Variants in MAPK10 observed in about 807,000 individuals in gnomAD.
MAPK10 encodes the protein mitogen-activated protein kinase 10.
In MAPK10, 25 loss-of-function variants were observed where a neutral mutation model predicts 59.3. The ratio of observed to expected loss-of-function variants is 0.42; its 90% CI spans 0.31 to 0.59. MAPK10 has a LOEUF of 0.59. Ranked by LOEUF, MAPK10 falls within the 20% of genes least tolerant of loss-of-function variation. MAPK10 has a pLI of 0.15. For synonymous variants in MAPK10, 190 were observed against 200.5 expected (o/e 0.95, Z 0.44); for missense variants, 351 against 568.9 (o/e 0.62, Z 3.90).
At chr4:86,404,322 T>C (rs1744094888) in intron 1 of MAPK10, among the ~76,000 whole-genome samples, 2 of 152,202 alleles carry the variant, frequency 1.3e-5, no homozygotes, top group South Asian at 2.1e-4. Context: ...TATCAGTGCA[T>C]GCTCTCAAAT....
At chr4:86,136,613 G>T (rs2062186230) in intron 4 of MAPK10, among the ~76,000 whole-genome samples, 1 of 150,592 alleles carries the variant, frequency 6.6e-6, no homozygotes. Flanking sequence ...AGACTAGGAA[G>T]AAACTGCATC....
chr4:86,315,176 T>C (rs2095755470), intron 2 of MAPK10, among the ~76,000 whole-genome samples: 1 of 152,020 alleles, frequency 6.6e-6, no homozygotes, highest in South Asian at 2.1e-4. Flanking sequence ...TACTTATTTA[T>C]GTGATCTAAA....
At chr4:86,578,634 A>G (rs1762057139) in intron 1 of MAPK10, among the ~76,000 whole-genome samples, 1 of 152,218 alleles carries the variant, frequency 6.6e-6, no homozygotes, top group Non-Finnish European at 1.5e-5. Context: ...ATTTGTGAAC[A>G]TTCAAATCAT....
At chr4:86,490,487 T>TG (rs1001709878) in intron 1 of MAPK10, among the ~76,000 whole-genome samples, 6 of 152,240 alleles carry the variant, frequency 3.9e-5, no homozygotes, top group African/African-American at 1.4e-4. Context: ...CGAGATCAGA[T>TG]GGCCCATCCA....
intron 2 of MAPK10, among the ~76,000 whole-genome samples, chr4:86,336,952 G>A (rs184889362): frequency 6.6e-6 from 1 of 151,982 alleles, no homozygotes; most frequent in African/African-American, 2.4e-5. Flanking sequence ...CACCGCGCCT[G>A]CTAATTTTTT....
At chr4:86,472,754 G>C (rs919740807) in intron 1 of MAPK10, among the ~76,000 whole-genome samples, 1 of 152,196 alleles carries the variant, frequency 6.6e-6, no homozygotes, top group Non-Finnish European at 1.5e-5. Flanking sequence ...AATAGGGTCT[G>C]GAGGCAGGGG....
chr4:86,019,279 T>C (rs3775164), intron 13 of MAPK10, among the ~76,000 whole-genome samples: 10 of 152,098 alleles, frequency 6.6e-5, no homozygotes, highest in Non-Finnish European at 8.8e-5. Context: ...GATATTTTTA[T>C]ATACAGAAAA....
chr4:86,257,039 T>C (rs2093772344), intron 2 of MAPK10, among the ~76,000 whole-genome samples: 1 of 152,174 alleles, frequency 6.6e-6, no homozygotes, highest in Non-Finnish European at 1.5e-5. Context: ...ATTAGGTCTT[T>C]TACAACAGAT....
intron 1 of MAPK10, chr4:86,370,702 T>C (rs1048931351): frequency 2.6e-5 from 4 of 152,124 alleles, no homozygotes; most frequent in Non-Finnish European, 4.4e-5. Flanking sequence ...GGATCTCAAA[T>C]CCTGTATTTA....
At chr4:86,547,233 C>A (rs1245215800) in intron 1 of MAPK10, among the ~76,000 whole-genome samples, 2 of 152,216 alleles carry the variant, frequency 1.3e-5, no homozygotes, top group African/African-American at 4.8e-5. Context: ...CCTGAGGAGC[C>A]CTTCAGCCCG....
chr4:86,177,366 TC>T (rs2075916856), intron 3 of MAPK10, among the ~76,000 whole-genome samples: 1 of 152,134 alleles, frequency 6.6e-6, no homozygotes, highest in Admixed American at 6.6e-5. Context: ...CTGCCAAAAA[TC>T]TTTTTCTTTG....
At chr4:86,351,294 T>C (rs1016287889) in intron 2 of MAPK10, among the ~76,000 whole-genome samples, 4 of 151,300 alleles carry the variant, frequency 2.6e-5, no homozygotes, top group Non-Finnish European at 4.4e-5. Flanking sequence ...GCAATATATA[T>C]ATGACAATGT....
chr4:86,087,794 A>G (rs568381911), intron 9 of MAPK10, among the ~76,000 whole-genome samples: 1 of 152,248 alleles, frequency 6.6e-6, no homozygotes, highest in South Asian at 2.1e-4. Context: ...AGCCATATAT[A>G]TATATTCATA....
chr4:86,205,717 G>C lies in MAPK10; in HGVS notation c.-6-11310C>G, dbSNP rs973043548. The stretch of plus-strand genomic sequence containing the variant: ...AACACATTAAAAAAGAAAAATTCTT[G>C]TCATATTCAGTAGATAGAGAAAATA... On this transcript the variant is annotated intron_variant, in intron 2 of 13. Transcript: ENST00000641462. Among the ~76,000 whole-genome samples the C allele has an allele frequency of 3.3e-5, 5 of 151,850 alleles. 1 individual carries two copies. The highest frequency in any genetic ancestry group is 4.4e-5 in the Non-Finnish European group (3 of 67,932).
At chr4:86,242,107 C>T (rs1362457683) in intron 2 of MAPK10, among the ~76,000 whole-genome samples, 1 of 152,000 alleles carries the variant, frequency 6.6e-6, no homozygotes, top group Non-Finnish European at 1.5e-5. Flanking sequence ...TCAGGTCCCT[C>T]TTCTATAGGG....
intron 3 of MAPK10, among the ~76,000 whole-genome samples, chr4:86,167,704 G>T (rs1483645164): frequency 6.6e-6 from 1 of 152,090 alleles, no homozygotes; most frequent in Non-Finnish European, 1.5e-5. Flanking sequence ...ACTAGGTATG[G>T]ACATAACATA....
intron 1 of MAPK10, among the ~76,000 whole-genome samples, chr4:86,530,898 T>C (rs1201902208): frequency 6.6e-6 from 1 of 152,168 alleles, no homozygotes; most frequent in East Asian, 1.9e-4. Context: ...TGAACTTGGG[T>C]GTAAATGAGA....
At chr4:86,245,097 G>A (rs1304826081) in intron 2 of MAPK10, among the ~76,000 whole-genome samples, 3 of 152,128 alleles carry the variant, frequency 2.0e-5, no homozygotes, top group Admixed American at 2.0e-4. Context: ...TTTTGAGCTA[G>A]TATTTGTAAC....
chr4:86,313,475 T>C (rs2095712221), intron 2 of MAPK10, among the ~76,000 whole-genome samples: 1 of 152,038 alleles, frequency 6.6e-6, no homozygotes, highest in Non-Finnish European at 1.5e-5. Flanking sequence ...TGTTGAAATC[T>C]ACCTATTCAA....
Sources: gnomAD v4.1 joint callset for allele counts (sites outside exome capture counted in the v4.1 genomes callset) on GRCh38, gnomAD v4.1.1 for gene constraint, MANE v1.5 for transcripts, NCBI Gene and HGNC (gene_info 2026-07-23, HGNC 2026-07-21) for gene names.